SLC26A11: variants seen among roughly 807,000 people sequenced by gnomAD.
SLC26A11 encodes the protein sodium-independent sulfate anion transporter.
A neutral mutation model predicts 62.2 loss-of-function variants in SLC26A11; 58 were observed. The ratio of observed to expected loss-of-function variants is 0.93; its 90% CI spans 0.76 to 1.16. SLC26A11 has a LOEUF of 1.16. SLC26A11 is among the 50% of genes most tolerant of loss of function. SLC26A11 has a pLI of 0.00. For synonymous variants in SLC26A11, 411 were observed against 368.9 expected (o/e 1.11, Z -1.31); for missense variants, 790 against 794.3 (o/e 0.99, Z 0.06).
intron 13 of SLC26A11, 92 bp from the exon 14 acceptor site, chr17:80,248,038 G>A (rs1302648903): frequency 1.4e-6 from 2 of 1,434,046 alleles, no homozygotes; most frequent in East Asian, 2.5e-5. Context: ...TTACTCATAT[G>A]TGGGGGGCAG....
At chr17:80,234,967 A>C (rs1233385071) in intron 7 of SLC26A11, among the ~76,000 whole-genome samples, 1 of 151,112 alleles carries the variant, frequency 6.6e-6, no homozygotes, top group Non-Finnish European at 1.5e-5. Flanking sequence ...TTCCTGCCTC[A>C]GCCTCCCAGG....
Position 80,222,631 on chromosome 17 carries a change from G to C in SLC26A11, c.235-24G>C, listed in dbSNP as rs369741360. On this transcript the variant is annotated intron_variant, in intron 3 of 17. Coordinates refer to ENST00000361193, the MANE Select transcript of SLC26A11 (RefSeq NM_001166347.2). The surrounding 1 kb of genome is among the most constrained non-coding windows in gnomAD (Gnocchi z 4.7). ...GTGGATGGGCCTCGGCCTCCTGAGTGCTCACCACCCTCTCTCCCCACAGTA... is the reference window on the plus strand; with the variant it reads ...GTGGATGGGCCTCGGCCTCCTGAGTCCTCACCACCCTCTCTCCCCACAGTA... The C allele has an allele frequency of 1.2e-6, 2 of 1,608,184 alleles. No homozygotes were observed. Among genetic ancestry groups the C allele is most frequent in the South Asian group, 2.2e-5 (2 of 90,244 alleles).
intron 7 of SLC26A11, among the ~76,000 whole-genome samples, chr17:80,235,927 C>G (rs1598815278): frequency 6.6e-6 from 1 of 152,214 alleles, no homozygotes; most frequent in South Asian, 2.1e-4. Flanking sequence ...TGGAAAATCA[C>G]TCCCATTCAT....
chr17:80,246,351 G>A lies in SLC26A11; in HGVS notation c.1153+142G>A. ...GACTTGGGGGGCCACACAGGAGTAG[G>A]GGGACCACAGGAGACTGAGCAGGGG... On this transcript the variant is annotated intron_variant, in intron 12 of 17. Coordinates refer to ENST00000361193, the MANE Select transcript of SLC26A11 (RefSeq NM_001166347.2). This position sits in a 1 kb window ranked among gnomAD's most constrained non-coding sequence, Gnocchi z 4.4. 7.1e-7 allele frequency: 1 copy of A among 1,408,524 alleles called. No homozygotes were observed. The highest frequency in any genetic ancestry group is 1.3e-5 in the South Asian group (1 of 75,206). The allele number at this position is 1,408,524 out of a possible 1,614,324, so 87.3% of individuals were successfully genotyped here.
intron 9 of SLC26A11, among the ~76,000 whole-genome samples, chr17:80,239,289 T>G (rs12949428): frequency 0.72 from 108,887 of 151,548 alleles, 39,439 homozygotes; most frequent in East Asian, 0.98. Flanking sequence ...ATGTTGATCA[T>G]ACTGGTCTCA....
At chr17:80,229,339 G>A (rs1159663445) in intron 7 of SLC26A11, among the ~76,000 whole-genome samples, 1 of 152,132 alleles carries the variant, frequency 6.6e-6, no homozygotes, top group African/African-American at 2.4e-5. Flanking sequence ...CCTGGCCTGG[G>A]TTTAGACTTG....
At chr17:80,247,859 G>A (rs1041409285) in intron 13 of SLC26A11, among the ~76,000 whole-genome samples, 6 of 152,192 alleles carry the variant, frequency 3.9e-5, no homozygotes, top group Admixed American at 2.6e-4. Context: ...GCCCTGACAA[G>A]CCCCTGCTGC....
chr17:80,250,475 G>A (rs2043126845), intron 16 of SLC26A11, among the ~76,000 whole-genome samples: 1 of 152,212 alleles, frequency 6.6e-6, no homozygotes, highest in South Asian at 2.1e-4. Flanking sequence ...TCGCTCATAA[G>A]TGTTACGTCC....
rs1207245391 is a variant in SLC26A11, at chr17:80,245,176, CT to C, written c.1037-19del. ...TGTGTGCCTTCCCTCCACGATCAGC[CT>C]GTCTTGCCTCCTCCCCAGGTCTCAC... On this transcript the variant is annotated intron_variant, in intron 10 of 17. Coordinates refer to ENST00000361193, the MANE Select transcript of SLC26A11 (RefSeq NM_001166347.2). The C allele has an allele frequency of 6.2e-7, 1 of 1,613,300 alleles. No individual in the cohort carries two copies. Among genetic ancestry groups the C allele is most frequent in the East Asian group, 2.2e-5 (1 of 44,836 alleles).
chr17:80,247,784 C>A (rs1362662030), intron 13 of SLC26A11, among the ~76,000 whole-genome samples: 1 of 152,184 alleles, frequency 6.6e-6, no homozygotes, highest in Admixed American at 6.5e-5. Context: ...CCCCAGGGCA[C>A]CTTCTCCTTG....
At position 80,222,859 on chromosome 17, in the gene SLC26A11, C is replaced by G; in HGVS notation, c.427+12C>G. 1 of 1,612,644 alleles carries G rather than the reference C, an allele frequency of 6.2e-7. No homozygotes were observed. Among genetic ancestry groups the G allele is most frequent in the East Asian group, 2.2e-5 (1 of 44,836 alleles). On this transcript the variant is annotated intron_variant, in intron 4 of 17. Coordinates refer to ENST00000361193, the MANE Select transcript of SLC26A11 (RefSeq NM_001166347.2). The surrounding 1 kb of genome is among the most constrained non-coding windows in gnomAD (Gnocchi z 4.7). The stretch of plus-strand genomic sequence containing the variant: ...GGTCCTGCGTTTGGGTGAGGCTCTA[C>G]CTTCTTGCCAAGGGGATGCCCTCGA...
rs2042963593 is a variant in SLC26A11, at chr17:80,245,249, T to C, written c.1090T>C (p.Phe364Leu). The change falls in exon 11 of 18, where the codon TTT (phenylalanine) becomes CTT (leucine). Residue 364 changes from phenylalanine to leucine, a missense_variant. By Grantham distance (22) the Phe-to-Leu change is conservative. Transcript: ENST00000361193. ...CTCCTCCTACCCGGTCACAGGCAGC[T>C]TTGGACGGTGAGTGACCTGTCCGCC... Reference protein sequence around the residue: ...LVSSYPVTGSFGRTAVNAQSG... With the variant: ...LVSSYPVTGSLGRTAVNAQSG... The C allele has an allele frequency of 6.2e-7, 1 of 1,613,852 alleles. No individual in the cohort carries two copies. Among genetic ancestry groups the C allele is most frequent in the Non-Finnish European group, 8.5e-7 (1 of 1,179,998 alleles).
rs563519838 is a variant in SLC26A11 at position 80,250,776 on chromosome 17, G to A, written c.1657-553G>A. On this transcript the variant is annotated intron_variant, in intron 16 of 17. Coordinates refer to ENST00000361193, the MANE Select transcript of SLC26A11 (RefSeq NM_001166347.2). The stretch of plus-strand genomic sequence containing the variant: ...CGGGAGGCAGAGGTTGCAGTGAGCC[G>A]AGATCGCGCCATTGCACTCCAGCCT... 1.2e-4 allele frequency among the ~76,000 whole-genome samples: 18 copies of A among 151,900 alleles called. 1 individual carries two copies. The highest frequency in any genetic ancestry group is 8.5e-4 in the Admixed American group (13 of 15,228).
chr17:80,227,702 A>AT, intron 6 of SLC26A11, 116 bp from the exon 7 acceptor site: 1 of 1,449,672 alleles, frequency 6.9e-7, no homozygotes, highest in Non-Finnish European at 9.2e-7. Context: ...CAGCCTGGGC[A>AT]TTGGGCCTCC....
chr17:80,231,018 A>T (rs1330746029), intron 7 of SLC26A11, among the ~76,000 whole-genome samples: 1 of 133,000 alleles, frequency 7.5e-6, no homozygotes, highest in Non-Finnish European at 1.7e-5. Context: ...CAATGTTATG[A>T]TCCTCTCAAA....
chr17:80,240,856 A>G (rs568510773), intron 9 of SLC26A11, among the ~76,000 whole-genome samples: 34 of 152,192 alleles, frequency 2.2e-4, no homozygotes, highest in African/African-American at 8.2e-4. Flanking sequence ...AAGCATTGTA[A>G]TCCCAACACG....
chr17:80,237,084 CCTT>C lies in SLC26A11; in HGVS notation c.895_897del (p.Phe299del), dbSNP rs2042715567. The C allele has an allele frequency of 6.2e-7, 1 of 1,612,630 alleles. No individual in the cohort carries two copies. On this transcript the variant is annotated inframe_deletion, in exon 8 of 18. Coordinates refer to ENST00000361193, the MANE Select transcript of SLC26A11 (RefSeq NM_001166347.2). ...GTGACCACAGCCAACGGGACGATCT[CCTT>C]CACCGAGATGGTGCAGGTGGGCGGA...
rs5822330 is a variant in SLC26A11 at position 80,222,943 on chromosome 17, T to TGTG, written c.427+97_427+98insTGG. ...TCCCCGTGTGCGTGTGTGTGCGTGT[T>TGTG]GGGGTGTGGGTATGTATGTGTGTGT... On this transcript the variant is annotated intron_variant, in intron 4 of 17. Transcript: ENST00000361193. This position sits in a 1 kb window ranked among gnomAD's most constrained non-coding sequence, Gnocchi z 4.7. The TGTG allele has an allele frequency of 0.4, 519,282 of 1,283,748 alleles. 112,568 individuals carry two copies. The highest frequency in any genetic ancestry group is 0.68 in the African/African-American group (46,065 of 67,348). 79.5% of individuals were successfully genotyped at this position (1,283,748 alleles called of 1,614,324 possible). A position where few individuals can be genotyped will look rare whatever the true frequency, so the allele number is the denominator to read the frequency against.
chr17:80,241,550 A>G (rs761749322), intron 9 of SLC26A11, among the ~76,000 whole-genome samples: 3 of 152,164 alleles, frequency 2.0e-5, no homozygotes, highest in African/African-American at 7.2e-5. Context: ...GTGAGCCACC[A>G]TACCTGGCCT....
Sources: gnomAD v4.1 joint callset for allele counts (sites outside exome capture counted in the v4.1 genomes callset) on GRCh38, gnomAD v4.1.1 for gene constraint, Gnocchi (gnomAD v3.1) non-coding constraint, MANE v1.5 for transcripts, NCBI Gene and HGNC (gene_info 2026-07-23, HGNC 2026-07-21) for gene names.